The following AHCY variants were observed in gnomAD, a reference collection of about 807,000 sequenced individuals.
The protein encoded by AHCY is adenosylhomocysteinase, also known as S-adenosyl-L-homocysteine hydrolase.
AHCY carries 24 observed loss-of-function variants against 45.4 expected under a neutral mutation model. The ratio of observed to expected loss-of-function variants is 0.53; its 90% confidence interval spans 0.38 to 0.74. AHCY has a LOEUF of 0.74. Ranked by LOEUF, AHCY falls within the 30% of genes least tolerant of loss-of-function variation. The probability of loss-of-function intolerance (pLI) is 0.00; values close to 1 mark genes in which losing one functional copy is unlikely to be tolerated. For synonymous variants in AHCY, 245 were observed against 235.1 expected (o/e 1.04, Z -0.39); for missense variants, 449 against 594.1 (o/e 0.76, Z 2.54).
chr20:34,261,963 A>AT, the AHCY span, among the ~76,000 whole-genome samples: 1 of 151,948 alleles, frequency 6.6e-6, no homozygotes, highest in African/African-American at 2.4e-5. Context: ...AAATACAAAA[A>AT]TTAGCCAGGT....
the AHCY span, among the ~76,000 whole-genome samples, chr20:34,240,396 G>A: frequency 6.6e-6 from 1 of 152,196 alleles, no homozygotes; most frequent in Non-Finnish European, 1.5e-5. Context: ...GAATGACCCA[G>A]TTTGTGTGAT....
rs1203511418 is a variant in AHCY, at chr20:34,290,811, G to C, written c.686C>G (p.Ala229Gly). 7.4e-6 allele frequency: 12 copies of C among 1,614,096 alleles called. No individual in the cohort carries two copies. The highest frequency in any genetic ancestry group is 8.5e-6 in the Non-Finnish European group (10 of 1,180,002). The change falls in exon 6 of 10, where the codon GCC becomes GGC. Residue 229 changes from alanine to glycine, a missense_variant. Ala to Gly is a moderately conservative substitution (Grantham distance 60, BLOSUM62 0). Transcript: ENST00000217426. The surrounding 1 kb of genome is among the most constrained non-coding windows in gnomAD (Gnocchi z 4.5). Reference sequence around the variant, plus strand: ...GGCTCCGAAACCCCGCAGGGCCTGGGCACAGCCCTTGCCCACATCACCATA... The same window carrying C: ...GGCTCCGAAACCCCGCAGGGCCTGGCCACAGCCCTTGCCCACATCACCATA... ...AGYGDVGKGC[A>G]QALRGFGARV...
At chr20:34,303,998 C>CA (rs1167533596), upstream of AHCY, among the ~76,000 whole-genome samples, 1 of 152,078 alleles carries the variant, frequency 6.6e-6, no homozygotes, top group Non-Finnish European at 1.5e-5. Flanking sequence ...GACCCTATCT[C>CA]AAAAAAACCA....
chr20:34,258,880 T>C, the AHCY span, among the ~76,000 whole-genome samples: 1 of 129,504 alleles, frequency 7.7e-6, no homozygotes, highest in Non-Finnish European at 1.6e-5. Context: ...ATACTATATA[T>C]ATAGTATTAT....
the AHCY span, chr20:34,241,595 C>T: frequency 2.1e-6 from 2 of 952,942 alleles, no homozygotes; most frequent in Non-Finnish European, 2.5e-6. Flanking sequence ...GAAAGTTAAA[C>T]AGATTTTTTT....
chr20:34,303,533 C>A (rs995398586), upstream of AHCY, among the ~76,000 whole-genome samples: 2 of 152,220 alleles, frequency 1.3e-5, no homozygotes, highest in African/African-American at 4.8e-5. Flanking sequence ...CGGAAGGGAG[C>A]GCCGGGAGAG....
the AHCY span, among the ~76,000 whole-genome samples, chr20:34,266,164 T>C: frequency 5.4e-4 from 81 of 150,998 alleles, no homozygotes; most frequent in African/African-American, 1.9e-3. Context: ...CCATCCTGGC[T>C]AACACGGAGA....
the AHCY span, among the ~76,000 whole-genome samples, chr20:34,243,178 T>C: frequency 6.6e-6 from 1 of 152,224 alleles, no homozygotes; most frequent in Non-Finnish European, 1.5e-5. Flanking sequence ...GTCTTGTCCT[T>C]TTGTCCCTTG....
chr20:34,235,948 G>T, the AHCY span, among the ~76,000 whole-genome samples: 1,357 of 118,204 alleles, frequency 0.011, 433 homozygotes, highest in African/African-American at 0.071. Flanking sequence ...GAGGGAAGAA[G>T]GAAGGAAGGA....
the AHCY span, among the ~76,000 whole-genome samples, chr20:34,233,902 C>G: frequency 6.6e-6 from 1 of 152,190 alleles, no homozygotes. Context: ...CACCAATTTA[C>G]CAGGAGCCAG....
the AHCY span, among the ~76,000 whole-genome samples, chr20:34,253,381 CG>C: frequency 6.6e-6 from 1 of 151,368 alleles, no homozygotes; most frequent in African/African-American, 2.4e-5. Flanking sequence ...GCTGGGATTA[CG>C]GGCGTGAGCC....
At chr20:34,294,531 T>G (rs371515998) in intron 2 of AHCY, among the ~76,000 whole-genome samples, 2 of 151,334 alleles carry the variant, frequency 1.3e-5, no homozygotes, top group Admixed American at 1.3e-4. Flanking sequence ...GAGGGATGAG[T>G]TGTTGGAGTA....
chr20:34,235,819 AAG>A, the AHCY span, among the ~76,000 whole-genome samples: 1 of 63,464 alleles, frequency 1.6e-5, no homozygotes, highest in Non-Finnish European at 2.5e-5. Context: ...GAAAGAAAGA[AAG>A]AAAGAAAGAA....
At chr20:34,269,430 G>A in the AHCY span, 1 of 460,170 alleles carries the variant, frequency 2.2e-6, no homozygotes, top group African/African-American at 2.1e-5. Context: ...CCGGGGCTCA[G>A]GAAACCCGGG....
chr20:34,295,416 G>T lies in AHCY; in HGVS notation c.198C>A (p.Thr66=), dbSNP rs267605894. The part of the protein sequence containing the change: ...MTVETAVLIE[T]LVTLGAEVQW... ...TCACCTCAGCACCCAGGGTGACGAG[G>T]GTCTCAATGAGGACGGCCGTCTCCA... Residue 66 remains threonine (T), a synonymous_variant, in exon 2 of 10, where the codon ACC becomes ACA. Coordinates refer to ENST00000217426, the MANE Select transcript of AHCY (RefSeq NM_000687.4). The T allele has an allele frequency of 6.2e-7, 1 of 1,614,000 alleles. No homozygotes were observed. The highest frequency in any genetic ancestry group is 1.1e-5 in the South Asian group (1 of 91,072).
chr20:34,238,447 T>C, the AHCY span, among the ~76,000 whole-genome samples: 1 of 152,176 alleles, frequency 6.6e-6, no homozygotes, highest in African/African-American at 2.4e-5. Flanking sequence ...ATCCCTCTAG[T>C]GCATTTTTAA....
the AHCY span, among the ~76,000 whole-genome samples, chr20:34,272,226 C>A: frequency 6.6e-6 from 1 of 152,324 alleles, no homozygotes; most frequent in East Asian, 1.9e-4. Flanking sequence ...TCCACCTTGA[C>A]TGACAGTCCC....
intron 8 of AHCY, among the ~76,000 whole-genome samples, chr20:34,286,821 C>G (rs992919875): frequency 3.4e-5 from 4 of 118,176 alleles, no homozygotes; most frequent in Non-Finnish European, 6.6e-5. Context: ...GCAACAAGAG[C>G]GAAACTCCGT....
At chr20:34,310,674 G>A (rs1018230442) in intron 1 of AHCY, among the ~76,000 whole-genome samples, 1 of 152,218 alleles carries the variant, frequency 6.6e-6, no homozygotes, top group African/African-American at 2.4e-5. Flanking sequence ...TCCACATGAT[G>A]GAATATGCAG....
Sources: allele counts gnomAD v4.1 joint callset (sites outside exome capture counted in the v4.1 genomes callset), GRCh38; gene constraint gnomAD v4.1.1; non-coding constraint Gnocchi (gnomAD v3.1); transcripts MANE v1.5; gene names NCBI Gene and HGNC (gene_info 2026-07-23, HGNC 2026-07-21).